Variants in ASPM observed in about 807,000 individuals in gnomAD.
ASPM encodes abnormal spindle-like microcephaly-associated protein.
A neutral mutation model predicts 366.4 loss-of-function variants in ASPM; 256 were observed. The ratio of observed to expected loss-of-function variants is 0.70; its 90% CI spans 0.63 to 0.77. ASPM has a LOEUF of 0.77. Among genes scored for constraint, ASPM ranks in the 30% least tolerant of loss-of-function variants. The probability of loss-of-function intolerance (pLI) is 0.00; values close to 1 mark genes in which losing one functional copy is unlikely to be tolerated. For synonymous variants in ASPM, 1,414 were observed against 1,342.9 expected, an observed-to-expected ratio of 1.05 and a Z score of -1.16; for missense variants, 4,146 against 4,090.4, an observed-to-expected ratio of 1.01 and a Z score of -0.37.
chr1:197,106,919 A>G (rs1460938875), intron 17 of ASPM, among the ~76,000 whole-genome samples: 1 of 152,118 alleles, frequency 6.6e-6, no homozygotes, highest in Non-Finnish European at 1.5e-5. Flanking sequence ...AGATATCTGC[A>G]GCAGGTTGAG....
Position 197,101,102 on chromosome 1 carries a change from C to A in ASPM, c.8149G>T (p.Val2717Phe). The A allele has an allele frequency of 6.2e-7, 1 of 1,611,904 alleles. No individual in the cohort carries two copies. Residue 2717 changes from valine (V) to phenylalanine (F), a missense_variant, in exon 18 of 28, where the codon GTT becomes TTT. Coordinates refer to ENST00000367409, the MANE Select transcript of ASPM (RefSeq NM_018136.5). ...DYETKKTAIV[V>F]IQNYYRLYVR... ...TACAACCTATAATAATTCTGTATAA[C>A]CACAATTGCAGTTTTCTTTGTTTCA...
chr1:197,142,524 C>T lies in ASPM; in HGVS notation c.1728G>A (p.Lys576=), dbSNP rs780169463. 1 of 1,614,024 alleles carries T rather than the reference C, an allele frequency of 6.2e-7. No individual in the cohort carries two copies. Among genetic ancestry groups the T allele is most frequent in the Non-Finnish European group, 8.5e-7 (1 of 1,179,894 alleles). The change falls in exon 3 of 28, where the codon AAG becomes AAA. Residue 576 remains lysine (K), a synonymous_variant. Transcript: ENST00000367409. ...STTASVARKR[K]SDGSMEDANV... is the part of the protein sequence containing the mutation. ...TTGCATCTTCCATGCTTCCATCGCT[C>T]TTTCTTTTCCGAGCAACTGAAGCTG...
At chr1:197,139,598 T>C (rs1658522643) in intron 4 of ASPM, among the ~76,000 whole-genome samples, 169 bp downstream of exon 4, 1 of 152,268 alleles carries the variant, frequency 6.6e-6, no homozygotes, top group Non-Finnish European at 1.5e-5. Context: ...TCTTTATTTC[T>C]TTTATCAAAC....
rs756622337 is a variant in ASPM, at chr1:197,138,912, T to C, written c.2026+855A>G. ...CTCCTGTTGAATCATTTTAAGATGC[T>C]TGAACTTGTCCTGCAGCTCTTTTTC... On this transcript the variant is annotated intron_variant, in intron 4 of 27. Coordinates refer to ENST00000367409, the MANE Select transcript of ASPM (RefSeq NM_018136.5). 9 of 895,648 alleles carry C rather than the reference T, an allele frequency of 1.0e-5. 1 individual carries two copies. Among genetic ancestry groups the C allele is most frequent in the South Asian group, 2.6e-5 (2 of 75,492 alleles). The allele number at this position is 895,648 out of a possible 1,614,324, so 55.5% of individuals were successfully genotyped here. A position where few individuals can be genotyped will look rare whatever the true frequency, so the allele number is the denominator to read the frequency against.
intron 18 of ASPM, among the ~76,000 whole-genome samples, chr1:197,099,480 T>G (rs1657087073): frequency 6.6e-6 from 1 of 151,728 alleles, no homozygotes; most frequent in Non-Finnish European, 1.5e-5. Context: ...CATACTTCAG[T>G]GTAACATTTC....
intron 14 of ASPM, 40 bp downstream of exon 14, chr1:197,122,348 A>T: frequency 6.2e-7 from 1 of 1,613,422 alleles, no homozygotes; most frequent in African/African-American, 1.3e-5. Flanking sequence ...TTCAAATCAG[A>T]CATGGCAAAA....
Position 197,146,564 on chromosome 1 carries a change from C to A in ASPM, c.-127G>T. ...GCTGTAGAGGTCGTGGGAGTGAATT[C>A]GGCCCTTTTTCTTTTCCACTAACCT... On this transcript the variant is annotated 5_prime_UTR_variant, in exon 1 of 28. Coordinates refer to ENST00000367409, the MANE Select transcript of ASPM (RefSeq NM_018136.5). The A allele has an allele frequency of 9.8e-7, 1 of 1,019,932 alleles. No homozygotes were observed. The highest frequency in any genetic ancestry group is 1.4e-5 in the South Asian group (1 of 73,172). The allele number at this position is 1,019,932 out of a possible 1,614,324, so 63.2% of individuals were successfully genotyped here. A position where few individuals can be genotyped will look rare whatever the true frequency, so the allele number is the denominator to read the frequency against.
chr1:197,101,841 T>C lies in ASPM; in HGVS notation c.7410A>G (p.Arg2470=). 2.5e-6 allele frequency: 4 copies of C among 1,612,870 alleles called. No individual in the cohort carries two copies. The highest frequency in any genetic ancestry group is 3.4e-6 in the Non-Finnish European group (4 of 1,179,324). The change falls in exon 18 of 28, where the codon AGA becomes AGG. Residue 2470 remains arginine, a synonymous_variant. Transcript: ENST00000367409. The stretch of plus-strand genomic sequence containing the variant: ...CTTGTAACTTCTTCTTTACCATCAG[T>C]CTTCTGTAAGATGACTGTATTGTAA... The part of the protein sequence containing the change: ...AAITIQSSYR[R]LMVKKKLQEM...
At chr1:197,127,590 G>A (rs7542397) in intron 10 of ASPM, among the ~76,000 whole-genome samples, 119,368 of 152,056 alleles carry the variant, frequency 0.79, 50,054 homozygotes, top group East Asian at 1. Context: ...CAGATACCCT[G>A]AAGAGGCCAA....
intron 19 of ASPM, among the ~76,000 whole-genome samples, chr1:197,094,593 G>A (rs1656908216): frequency 6.6e-6 from 1 of 151,704 alleles, no homozygotes; most frequent in South Asian, 2.1e-4. Context: ...AAGAGAATGT[G>A]ATTACAAGCA....
At chr1:197,124,590 C>T (rs1294040950) in intron 12 of ASPM, among the ~76,000 whole-genome samples, 1 of 151,692 alleles carries the variant, frequency 6.6e-6, no homozygotes. Context: ...GATTTGGGGC[C>T]CATGGGATTT....
chr1:197,120,296 A>G (rs1249601624), intron 16 of ASPM, among the ~76,000 whole-genome samples: 3 of 151,954 alleles, frequency 2.0e-5, no homozygotes, highest in Non-Finnish European at 4.4e-5. Context: ...TGTGGGAGAC[A>G]GAGTCAGGCA....
chr1:197,113,485 G>A (rs1657650282), intron 17 of ASPM, among the ~76,000 whole-genome samples: 1 of 152,104 alleles, frequency 6.6e-6, no homozygotes, highest in Admixed American at 6.6e-5. Context: ...TTTTTTAAAT[G>A]TCCTCTAAAA....
Position 197,091,946 on chromosome 1 carries a change from C to A in ASPM, c.9405G>T (p.Lys3135Asn). ...CTGAATTAACCTGCTTGTTAGCATT[C>A]TTCACAGCCAGGTAAAGTTTATAGG... ...QRAYKLYLAVKNANKQVNSVI... is the reference protein window; with the variant it reads ...QRAYKLYLAVNNANKQVNSVI... The change falls in exon 22 of 28, where the codon AAG becomes AAT. Residue 3135 changes from lysine (K) to asparagine (N), a missense_variant. Lys to Asn is a moderately conservative substitution (Grantham distance 94). Around this residue, in one of 3 missense-constraint regions of ASPM, gnomAD observed 3,624 missense variants for 3,591.7 expected, o/e 1.01. Coordinates refer to ENST00000367409, the MANE Select transcript of ASPM (RefSeq NM_018136.5). 1.2e-6 allele frequency: 2 copies of A among 1,611,218 alleles called. No homozygotes were observed. The highest frequency in any genetic ancestry group is 2.2e-5 in the South Asian group (2 of 90,986).
In ASPM at chr1:197,102,524, C is replaced by A. The variant is rs148425392; in HGVS notation, c.6727G>T (p.Val2243Leu). Residue 2243 changes from valine (V) to leucine (L), a missense_variant, in exon 18 of 28, where the codon GTA (valine) becomes TTA (leucine). Transcript: ENST00000367409. ...FQRYNKLRHSVIYIQAIFRGK... is the reference protein window; with the variant it reads ...FQRYNKLRHSLIYIQAIFRGK... ...CTAAAAATAGCCTGAATGTATATTA[C>A]AGAATGCCTCAGTTTGTTATACCTT... The A allele has an allele frequency of 8.5e-4, 1,378 of 1,612,556 alleles. 7 individuals are homozygous for A. In the African/African-American group the frequency reaches 0.016, roughly 19 times the overall value.
chr1:197,106,475 C>G (rs1159509989), intron 17 of ASPM, among the ~76,000 whole-genome samples: 1 of 151,940 alleles, frequency 6.6e-6, no homozygotes, highest in African/African-American at 2.4e-5. Flanking sequence ...CACCCACCCC[C>G]AACAGATATT....
intron 1 of ASPM, 135 bp downstream of exon 1, chr1:197,146,006 G>T: frequency 8.7e-7 from 1 of 1,145,932 alleles, no homozygotes; most frequent in Non-Finnish European, 1.3e-6. Context: ...GTTATTGAGT[G>T]AAAGGGAACT....
rs1215694624 is a variant in ASPM, at chr1:197,139,196, A to AT, written c.2026+570dup. The AT allele has an allele frequency of 5.2e-6, 5 of 960,798 alleles. No individual in the cohort carries two copies. The African/African-American group carries it at 8.3e-5, about 16-fold the overall frequency. The allele number at this position is 960,798 out of a possible 1,614,324, so 59.5% of individuals were successfully genotyped here. On this transcript the variant is annotated intron_variant, in intron 4 of 27. Coordinates refer to ENST00000367409, the MANE Select transcript of ASPM (RefSeq NM_018136.5). Reference sequence around the variant, plus strand: ...CTTGGAGCTTAACGAAGTCACAGTGATTTTCATTTTCCACTTGGAAAACTC... The same window carrying AT: ...CTTGGAGCTTAACGAAGTCACAGTGATTTTTCATTTTCCACTTGGAAAACTC...
At chr1:197,110,441 T>C (rs1657547502) in intron 17 of ASPM, among the ~76,000 whole-genome samples, 2 of 152,042 alleles carry the variant, frequency 1.3e-5, no homozygotes, top group Admixed American at 1.3e-4. Context: ...GGTCAAAATT[T>C]AGAATGAAAA....
Sources: allele counts gnomAD v4.1 joint callset (sites outside exome capture counted in the v4.1 genomes callset), GRCh38; gene constraint gnomAD v4.1.1; regional missense constraint gnomAD v4.1.1; transcripts MANE v1.5; gene names NCBI Gene and HGNC (gene_info 2026-07-23, HGNC 2026-07-21).